Variants in MKRN2 observed in about 807,000 individuals in gnomAD.
The protein encoded by MKRN2 is makorin ring finger protein 2.
A neutral mutation model predicts 45.4 loss-of-function variants in MKRN2; 32 were observed. The observed-to-expected ratio is 0.70, with a 90% confidence interval of 0.53 to 0.95. The LOEUF is 0.95. Among genes scored for constraint, MKRN2 ranks in the 40% least tolerant of loss-of-function variants. The pLI, the probability that MKRN2 is intolerant of heterozygous loss-of-function variation, is 0.00. For synonymous variants in MKRN2, 206 were observed against 192.4 expected (o/e 1.07, Z -0.59); for missense variants, 526 against 536.7 (o/e 0.98, Z 0.20).
intron 6 of MKRN2, among the ~76,000 whole-genome samples, chr3:12,580,131 T>A (rs183125521): frequency 2.4e-4 from 37 of 152,200 alleles, no homozygotes; most frequent in African/African-American, 8.9e-4. Context: ...ACAGAGTGAG[T>A]CAGAGTGAAC....
chr3:12,570,528 A>G (rs2058092335), intron 3 of MKRN2, among the ~76,000 whole-genome samples: 2 of 152,080 alleles, frequency 1.3e-5, no homozygotes. Flanking sequence ...TGTAACTTCC[A>G]TCTTCATATG....
intron 1 of MKRN2, among the ~76,000 whole-genome samples, chr3:12,557,854 C>T (rs1394054063): frequency 6.6e-6 from 1 of 152,164 alleles, no homozygotes. Flanking sequence ...CTGAGAGAGC[C>T]ATTTACGAGG....
chr3:12,561,520 C>T (rs2058036262), intron 1 of MKRN2, among the ~76,000 whole-genome samples: 1 of 152,158 alleles, frequency 6.6e-6, no homozygotes, highest in Admixed American at 6.5e-5. Context: ...TGCAGTGGCT[C>T]ATTCCTATAA....
intron 4 of MKRN2, among the ~76,000 whole-genome samples, chr3:12,572,844 CA>C (rs2058108173): frequency 6.6e-6 from 1 of 152,184 alleles, no homozygotes; most frequent in African/African-American, 2.4e-5. Context: ...CTTGGCCTCC[CA>C]AAGTGCTGGG....
At chr3:12,569,122 T>C in intron 2 of MKRN2, 119 bp downstream of exon 2, 2 of 1,292,744 alleles carry the variant, frequency 1.5e-6, no homozygotes. Flanking sequence ...GTATGGCAAA[T>C]AAGTTTAAAA....
At chr3:12,575,167 TAA>T in intron 5 of MKRN2, among the ~76,000 whole-genome samples, 161 bp downstream of exon 5, 1 of 152,312 alleles carries the variant, frequency 6.6e-6, no homozygotes, top group East Asian at 1.9e-4. Context: ...TTCCTGAGCC[TAA>T]GTGCCTGTTC....
At chr3:12,582,042 A>G in intron 7 of MKRN2, 74 bp from the exon 8 acceptor site, 1 of 1,609,634 alleles carries the variant, frequency 6.2e-7, no homozygotes, top group Non-Finnish European at 8.5e-7. Context: ...GGGTAGGCAA[A>G]AGAACGATCA....
chr3:12,561,661 T>C (rs1156797651), intron 1 of MKRN2, among the ~76,000 whole-genome samples: 1 of 152,182 alleles, frequency 6.6e-6, no homozygotes, highest in East Asian at 1.9e-4. Context: ...TTATTCGATA[T>C]CACTTTTGTT....
At chr3:12,580,811 C>T (rs746956600) in intron 6 of MKRN2, among the ~76,000 whole-genome samples, 14 of 152,234 alleles carry the variant, frequency 9.2e-5, no homozygotes, top group African/African-American at 2.2e-4. Flanking sequence ...ACTTCACCAC[C>T]GGCCTGCGGC....
intron 6 of MKRN2, among the ~76,000 whole-genome samples, chr3:12,577,896 C>CA (rs960017897): frequency 3.3e-5 from 5 of 152,032 alleles, no homozygotes; most frequent in Admixed American, 1.3e-4. Flanking sequence ...TGGCTGGTCT[C>CA]AAACTCCTGA....
chr3:12,577,966 T>C (rs183084989), intron 6 of MKRN2, among the ~76,000 whole-genome samples: 133 of 152,198 alleles, frequency 8.7e-4, no homozygotes, highest in Non-Finnish European at 1.3e-3. Context: ...CATGAGCCAC[T>C]GCGCCTGGCC....
At chr3:12,561,812 G>A (rs1449482622) in intron 1 of MKRN2, among the ~76,000 whole-genome samples, 2 of 151,660 alleles carry the variant, frequency 1.3e-5, no homozygotes, top group African/African-American at 4.9e-5. Context: ...AGATTACCAT[G>A]TCTGAGGACA....
chr3:12,572,060 T>G lies in MKRN2; in HGVS notation c.338-9T>G, dbSNP rs1268951918. 6.3e-7 allele frequency: 1 copy of G among 1,585,534 alleles called. No homozygotes were observed. The highest frequency in any genetic ancestry group is 8.6e-7 in the Non-Finnish European group (1 of 1,164,104). On this transcript the variant is annotated splice_polypyrimidine_tract_variant and intron_variant, in intron 3 of 7. Transcript: ENST00000170447. ...TTTCATGTGCATGTGTGCTGTGTGTTGTTTTCAGATCTCTCTGGCATGGCT... is the reference window on the plus strand; with the variant it reads ...TTTCATGTGCATGTGTGCTGTGTGTGGTTTTCAGATCTCTCTGGCATGGCT...
chr3:12,567,211 G>GT (rs34670828), intron 1 of MKRN2, among the ~76,000 whole-genome samples: 52,858 of 139,264 alleles, frequency 0.38, 10,066 homozygotes, highest in African/African-American at 0.49. Flanking sequence ...ATCAGCTTGT[G>GT]TTTTTTTTTT....
At chr3:12,563,660 T>C (rs1462152189) in intron 1 of MKRN2, among the ~76,000 whole-genome samples, 1 of 145,370 alleles carries the variant, frequency 6.9e-6, no homozygotes, top group African/African-American at 2.5e-5. Context: ...CGGCTACTTT[T>C]TGTATTTTTA....
Position 12,570,165 on chromosome 3 carries a change from C to T in MKRN2, c.250C>T (p.Pro84Ser). Residue 84 changes from proline (P) to serine (S), a missense_variant, in exon 3 of 8, where the codon CCT becomes TCT. Transcript: ENST00000170447. The stretch of plus-strand genomic sequence containing the variant: ...CCCAGCTTTCCACAGTCCTCACCCT[C>T]CTTCCGAGGTCACTGCATCCATTGT... ...PSPAFHSPHPPSEVTASIVKT... is the reference protein window; with the variant it reads ...PSPAFHSPHPSSEVTASIVKT... The T allele has an allele frequency of 1.9e-6, 3 of 1,614,204 alleles. No homozygotes were observed. The highest frequency in any genetic ancestry group is 2.5e-6 in the Non-Finnish European group (3 of 1,180,030).
Position 12,569,990 on chromosome 3 carries a change from G to A in MKRN2, c.156-81G>A. 4 of 1,339,986 alleles carry A rather than the reference G, an allele frequency of 3.0e-6. No homozygotes were observed. The Admixed American group carries it at 9.1e-5, about 31-fold the overall frequency. The allele number at this position is 1,339,986 out of a possible 1,614,324, so 83.0% of individuals were successfully genotyped here. On this transcript the variant is annotated intron_variant, in intron 2 of 7. Transcript: ENST00000170447. ...TTCACCTCAACAAGTGCAGCAGAAG[G>A]AGGGCCATTGGCATCTGGGGAGTGT...
chr3:12,579,547 A>G (rs989361295), intron 6 of MKRN2, among the ~76,000 whole-genome samples: 5 of 152,246 alleles, frequency 3.3e-5, no homozygotes, highest in Admixed American at 1.3e-4. Context: ...ATGAGGGACC[A>G]TCTATCACAA....
At chr3:12,558,881 T>G (rs1400325096) in intron 1 of MKRN2, among the ~76,000 whole-genome samples, 1 of 152,196 alleles carries the variant, frequency 6.6e-6, no homozygotes, top group African/African-American at 2.4e-5. Flanking sequence ...TACTGTAGTG[T>G]ATAATCCAGC....
Sources: gnomAD v4.1 joint callset for allele counts (sites outside exome capture counted in the v4.1 genomes callset) on GRCh38, gnomAD v4.1.1 for gene constraint, MANE v1.5 for transcripts, NCBI Gene and HGNC (gene_info 2026-07-23, HGNC 2026-07-21) for gene names.